ADIPOQ: variants seen among roughly 807,000 people sequenced by gnomAD.
ADIPOQ encodes adiponectin, C1Q and collagen domain containing.
A neutral mutation model predicts 16.1 loss-of-function variants in ADIPOQ; 19 were observed. That is an observed-to-expected ratio of 1.18 (90% confidence interval 0.82 to 1.73). The LOEUF (loss-of-function observed/expected upper bound fraction) is 1.73. Among genes scored for constraint, ADIPOQ ranks in the 40% most tolerant of loss-of-function variants. The pLI, the probability that ADIPOQ is intolerant of heterozygous loss-of-function variation, is 0.00. For synonymous variants in ADIPOQ, 124 were observed against 125.5 expected (o/e 0.99, Z 0.08); for missense variants, 323 against 308.3 (o/e 1.05, Z -0.36).
rs545818609 is a variant in ADIPOQ at position 186,856,374 on chromosome 3, T to C, written c.*1670T>C. The C allele has an allele frequency of 6.6e-6, 1 of 152,354 alleles. No homozygotes were observed. Among genetic ancestry groups the C allele is most frequent in the African/African-American group, 2.4e-5 (1 of 41,582 alleles). The allele number at this position is 152,354 out of a possible 1,614,324, so 9.4% of individuals were successfully genotyped here. A position where few individuals can be genotyped will look rare whatever the true frequency, so the allele number is the denominator to read the frequency against. ...CTATCTTTTTGCTTACAGTTTTAAATTCTGAACAATTCTCTCTTATATGTG... is the reference window on the plus strand; with the variant it reads ...CTATCTTTTTGCTTACAGTTTTAAACTCTGAACAATTCTCTCTTATATGTG... On this transcript the variant is annotated 3_prime_UTR_variant, in exon 3 of 3. Coordinates refer to ENST00000320741, the MANE Select transcript of ADIPOQ (RefSeq NM_004797.4).
At chr3:186,853,802 C>T (rs1560109593) in intron 2 of ADIPOQ, 1 of 235,264 alleles carries the variant, frequency 4.3e-6, no homozygotes, top group East Asian at 9.3e-5. Context: ...AGAATGAAGG[C>T]TTCAAGGAGG....
At chr3:186,854,049 G>T in intron 2 of ADIPOQ, 135 bp from the exon 3 acceptor site, 1 of 894,388 alleles carries the variant, frequency 1.1e-6, no homozygotes, top group Non-Finnish European at 1.7e-6. Context: ...TCTCCTTTTG[G>T]GAGCTCTTAT....
At chr3:186,854,112 G>A in intron 2 of ADIPOQ, 72 bp from the exon 3 acceptor site, 4 of 1,522,884 alleles carry the variant, frequency 2.6e-6, no homozygotes, top group Non-Finnish European at 3.6e-6. Flanking sequence ...CACAGGGATG[G>A]TAATTTAGGC....
At chr3:186,846,251 CT>C (rs11412081) in intron 1 of ADIPOQ, among the ~76,000 whole-genome samples, 21 of 147,392 alleles carry the variant, frequency 1.4e-4, no homozygotes, top group South Asian at 2.2e-4. Flanking sequence ...ATTTTGTATA[CT>C]TTTTTTTTTT....
At chr3:186,845,395 G>C (rs921712362) in intron 1 of ADIPOQ, among the ~76,000 whole-genome samples, 1 of 151,856 alleles carries the variant, frequency 6.6e-6, no homozygotes, top group Non-Finnish European at 1.5e-5. Context: ...TTTTGAGACA[G>C]AGTTTCACAC....
At chr3:186,848,649 T>C (rs1711651268) in intron 1 of ADIPOQ, among the ~76,000 whole-genome samples, 1 of 152,206 alleles carries the variant, frequency 6.6e-6, no homozygotes, top group Non-Finnish European at 1.5e-5. Context: ...AAACTTATTT[T>C]ACCTAATCTT....
Position 186,853,048 on chromosome 3 carries a change from C to T in ADIPOQ, c.-8-3C>T, listed in dbSNP as rs776583777. On this transcript the variant is annotated splice_region_variant and splice_polypyrimidine_tract_variant and intron_variant, in intron 1 of 2. Transcript: ENST00000320741. ...TGGCTGACAGTGCACATGTGGATTC[C>T]AGGGCTCAGGATGCTGTTGCTGGGA... The T allele has an allele frequency of 1.2e-6, 2 of 1,613,998 alleles. No individual in the cohort carries two copies. Among genetic ancestry groups the T allele is most frequent in the African/African-American group, 1.3e-5 (1 of 74,920 alleles).
At chr3:186,848,692 C>G (rs1463087754) in intron 1 of ADIPOQ, among the ~76,000 whole-genome samples, 1 of 152,146 alleles carries the variant, frequency 6.6e-6, no homozygotes, top group Non-Finnish European at 1.5e-5. Flanking sequence ...TAATGTGTCT[C>G]CTGAGACTTG....
chr3:186,843,244 T>G (rs776183064), intron 1 of ADIPOQ, among the ~76,000 whole-genome samples: 1 of 152,202 alleles, frequency 6.6e-6, no homozygotes, highest in Non-Finnish European at 1.5e-5. Context: ...AAATATTTAC[T>G]GAGCAAATTC....
rs199695100 is a variant in ADIPOQ, at chr3:186,854,767, T to C, written c.*63T>C. 8 of 1,581,302 alleles carry C rather than the reference T, an allele frequency of 5.1e-6. No homozygotes were observed. Among genetic ancestry groups the C allele is most frequent in the African/African-American group, 2.7e-5 (2 of 74,200 alleles). ...CCCAAAGTCAATTAAAGGCTTTCAG[T>C]ACGGTTAGGAAGTTGATTATTATTT... On this transcript the variant is annotated 3_prime_UTR_variant, in exon 3 of 3. Transcript: ENST00000320741.
At chr3:186,844,719 A>G (rs1388369183) in intron 1 of ADIPOQ, among the ~76,000 whole-genome samples, 1 of 151,806 alleles carries the variant, frequency 6.6e-6, no homozygotes, top group Admixed American at 6.6e-5. Flanking sequence ...AATTTTTAAA[A>G]ATTTTTTGTA....
rs1712024546 is a variant in ADIPOQ, at chr3:186,856,873, A to T, written c.*2169A>T. On this transcript the variant is annotated 3_prime_UTR_variant, in exon 3 of 3. Transcript: ENST00000320741. ...GCAAGAAAAATAAAGGAAAAATGGA[A>T]ACATTTATTCCTTTGCATAATAGAA... is the stretch of plus-strand genomic sequence containing the variant. 1 of 152,244 alleles carries T rather than the reference A, an allele frequency of 6.6e-6. No homozygotes were observed. Among genetic ancestry groups the T allele is most frequent in the Non-Finnish European group, 1.5e-5 (1 of 68,046 alleles). 9.4% of individuals were successfully genotyped at this position (152,244 alleles called of 1,614,324 possible). A position where few individuals can be genotyped will look rare whatever the true frequency, so the allele number is the denominator to read the frequency against.
At chr3:186,843,059 G>A (rs1334132899) in intron 1 of ADIPOQ, among the ~76,000 whole-genome samples, 1 of 152,226 alleles carries the variant, frequency 6.6e-6, no homozygotes, top group East Asian at 1.9e-4. Flanking sequence ...GGAAGGGTCT[G>A]TCCACAGATG....
chr3:186,843,320 T>G (rs1177040066), intron 1 of ADIPOQ, among the ~76,000 whole-genome samples: 1 of 152,092 alleles, frequency 6.6e-6, no homozygotes, highest in African/African-American at 2.4e-5. Flanking sequence ...TGTCTATGGA[T>G]TTGGGGATAT....
In ADIPOQ at chr3:186,854,308, A is replaced by G. The variant is rs201116832; in HGVS notation, c.339A>G (p.Ser113=). 2 of 1,614,238 alleles carry G rather than the reference A, an allele frequency of 1.2e-6. No homozygotes were observed. The highest frequency in any genetic ancestry group is 8.5e-7 in the Non-Finnish European group (1 of 1,180,042). ...GAGAAGGTGCCTATGTATACCGCTCAGCATTCAGTGTGGGATTGGAGACTT... is the reference window on the plus strand; with the variant it reads ...GAGAAGGTGCCTATGTATACCGCTCGGCATTCAGTGTGGGATTGGAGACTT... The part of the protein sequence containing the change: ...EPGEGAYVYR[S]AFSVGLETYV... The change falls in exon 3 of 3, where the codon TCA becomes TCG. Residue 113 remains serine (S), a synonymous_variant. Transcript: ENST00000320741.
chr3:186,849,483 C>A lies in ADIPOQ; in HGVS notation c.-8-3568C>A, dbSNP rs546678189. On this transcript the variant is annotated intron_variant, in intron 1 of 2. Transcript: ENST00000320741. ...TTTTCTTATCTTGAGACTAGTCAAA[C>A]CTAAGCTGTTTCTCATTTTATTTCC... is the stretch of plus-strand genomic sequence containing the variant. Among the ~76,000 whole-genome samples, 8 of 152,228 alleles carry A rather than the reference C, an allele frequency of 5.3e-5. No homozygotes were observed. The South Asian group carries it at 1.7e-3, about 32-fold the overall frequency.
intron 1 of ADIPOQ, among the ~76,000 whole-genome samples, chr3:186,846,535 A>AT (rs914985978): frequency 3.9e-5 from 6 of 152,016 alleles, no homozygotes; most frequent in African/African-American, 1.2e-4. Flanking sequence ...TGCCTGGCCA[A>AT]TTTTGTGTGC....
chr3:186,845,431 G>A (rs551763535), intron 1 of ADIPOQ: 1 of 152,068 alleles, frequency 6.6e-6, no homozygotes, highest in African/African-American at 2.4e-5. Flanking sequence ...GAGTGCAGTG[G>A]CGCGATCTCA....
In ADIPOQ at chr3:186,854,945, GT is replaced by G. The variant is rs1711940936; in HGVS notation, c.*242del. 3.6e-6 allele frequency: 2 copies of G among 562,470 alleles called. No homozygotes were observed. Among genetic ancestry groups the G allele is most frequent in the South Asian group, 4.0e-5 (2 of 49,610 alleles). The allele number at this position is 562,470 out of a possible 1,614,324, so 34.8% of individuals were successfully genotyped here. On this transcript the variant is annotated 3_prime_UTR_variant, in exon 3 of 3. Coordinates refer to ENST00000320741, the MANE Select transcript of ADIPOQ (RefSeq NM_004797.4). ...ACTGACTAGAAAGAAGTAGTTGACA[GT>G]GCTATTTTGTGCCCACTGTCTCTCC...
Sources: allele counts gnomAD v4.1 joint callset (sites outside exome capture counted in the v4.1 genomes callset), GRCh38; gene constraint gnomAD v4.1.1; transcripts MANE v1.5; gene names NCBI Gene and HGNC (gene_info 2026-07-23, HGNC 2026-07-21).